TENM2: variants seen among roughly 807,000 people sequenced by gnomAD.
TENM2 encodes teneurin transmembrane protein 2.
TENM2 carries 52 observed loss-of-function variants against 245.2 expected under a neutral mutation model. The ratio of observed to expected loss-of-function variants is 0.21; its 90% confidence interval spans 0.17 to 0.27. The LOEUF is 0.27. Among genes scored for constraint, TENM2 ranks in the 10% least tolerant of loss-of-function variants. TENM2 has a pLI of 1.00. For synonymous variants in TENM2, 1,363 were observed against 1,438.9 expected (o/e 0.95, Z 1.19); for missense variants, 3,046 against 3,666.8 (o/e 0.83, Z 4.37).
At chr5:166,989,907 G>A in the TENM2 span, among the ~76,000 whole-genome samples, 3 of 150,664 alleles carry the variant, frequency 2.0e-5, no homozygotes. Context: ...AAATATGTTG[G>A]TCATGTAGAA....
At chr5:166,996,200 G>A in the TENM2 span, among the ~76,000 whole-genome samples, 1 of 151,854 alleles carries the variant, frequency 6.6e-6, no homozygotes, top group Admixed American at 6.6e-5. Flanking sequence ...AAAATTAGCC[G>A]GGCGTGGTGG....
the TENM2 span, among the ~76,000 whole-genome samples, chr5:167,113,137 G>A: frequency 6.6e-5 from 10 of 152,224 alleles, no homozygotes; most frequent in Non-Finnish European, 1.3e-4. Flanking sequence ...GTCACTGCCC[G>A]GGAGTTGTTA....
intron 17 of TENM2, among the ~76,000 whole-genome samples, chr5:168,202,372 T>G (rs1762009612): frequency 6.6e-6 from 1 of 151,992 alleles, no homozygotes; most frequent in Admixed American, 6.6e-5. Flanking sequence ...CTGAAATGCA[T>G]CCAGTATGTT....
rs527885683 is a variant in TENM2 at position 168,244,960 on chromosome 5, G to A, written c.5817+244G>A. Reference sequence around the variant, plus strand: ...AATTTTGTATTTTTAGTAGAGATGGGTTTCCCCACATTGGCCAGGCTGGTC... The same window carrying A: ...AATTTTGTATTTTTAGTAGAGATGGATTTCCCCACATTGGCCAGGCTGGTC... On this transcript the variant is annotated intron_variant, in intron 26 of 28. Coordinates refer to ENST00000518659, the Ensembl canonical transcript of TENM2. The surrounding 1 kb of genome is among the most constrained non-coding windows in gnomAD (Gnocchi z 4.9). 5.9e-5 allele frequency among the ~76,000 whole-genome samples: 9 copies of A among 152,142 alleles called. No homozygotes were observed. The highest frequency in any genetic ancestry group is 2.2e-4 in the African/African-American group (9 of 41,500).
At chr5:167,693,178 T>C (rs1757540710) in intron 2 of TENM2, among the ~76,000 whole-genome samples, 1 of 152,110 alleles carries the variant, frequency 6.6e-6, no homozygotes, top group African/African-American at 2.4e-5. Context: ...AATGCAAATA[T>C]CATAACCTCT....
chr5:167,128,469 T>G, the TENM2 span, among the ~76,000 whole-genome samples: 1 of 151,912 alleles, frequency 6.6e-6, no homozygotes, highest in East Asian at 1.9e-4. Flanking sequence ...GAAGTTTACA[T>G]TTTCAACAAG....
chr5:168,037,172 T>C (rs1216854398), intron 5 of TENM2, among the ~76,000 whole-genome samples: 1 of 152,222 alleles, frequency 6.6e-6, no homozygotes, highest in Non-Finnish European at 1.5e-5. Context: ...ACAGGACTTT[T>C]TTTTATTTCT....
chr5:167,172,158 A>G, the TENM2 span, among the ~76,000 whole-genome samples: 1 of 152,310 alleles, frequency 6.6e-6, no homozygotes, highest in East Asian at 1.9e-4. Flanking sequence ...CACAACCGTC[A>G]GAACAGTAAC....
intron 2 of TENM2, among the ~76,000 whole-genome samples, chr5:167,766,388 G>T (rs556768959): frequency 6.9e-4 from 105 of 152,268 alleles, no homozygotes; most frequent in South Asian, 1.2e-3. Context: ...ATCACACAGG[G>T]CATTGTAGCC....
intron 2 of TENM2, among the ~76,000 whole-genome samples, chr5:167,827,628 C>CA (rs71593149): frequency 2.9e-5 from 1 of 34,226 alleles, no homozygotes; most frequent in African/African-American, 1.1e-4. Flanking sequence ...GCTAGGTGGG[C>CA]GGGGGGGGGG....
chr5:167,610,637 A>G (rs956886537), intron 2 of TENM2, among the ~76,000 whole-genome samples: 4 of 152,232 alleles, frequency 2.6e-5, no homozygotes, highest in Admixed American at 1.3e-4. Context: ...TCCAAGTACT[A>G]TAATAAGCTA....
intron 4 of TENM2, among the ~76,000 whole-genome samples, chr5:167,960,854 C>T (rs2151884358): frequency 6.6e-6 from 1 of 152,336 alleles, no homozygotes; most frequent in South Asian, 2.1e-4. Flanking sequence ...ATCTCCTGGT[C>T]TGTGGGTTGT....
the TENM2 span, among the ~76,000 whole-genome samples, chr5:167,186,674 A>G: frequency 6.6e-6 from 1 of 152,212 alleles, no homozygotes; most frequent in African/African-American, 2.4e-5. Context: ...TGTGGAGCAC[A>G]GCAATGTGTC....
intron 2 of TENM2, among the ~76,000 whole-genome samples, chr5:167,783,089 C>G (rs895491448): frequency 6.6e-6 from 1 of 151,750 alleles, no homozygotes; most frequent in African/African-American, 2.4e-5. Context: ...TTTTAAAGCA[C>G]AGTGCATCTG....
Position 167,350,572 on chromosome 5 carries a change from G to GATATATATATGGGATATATATATATGGAT in TENM2, c.227-24609_227-24581dup, listed in dbSNP as rs1561883251. On this transcript the variant is annotated intron_variant, in intron 1 of 28. Coordinates refer to ENST00000518659, the Ensembl canonical transcript of TENM2. ...TATCCATATATATGGGATATATATA[G>GATATATATATGGGATATATATATATGGAT]ATATATATATGGGATATATATATAT... Among the ~76,000 whole-genome samples, 210 of 129,852 alleles carry GATATATATATGGGATATATATATATGGAT rather than the reference G, an allele frequency of 1.6e-3. 1 individual carries two copies. Among genetic ancestry groups the GATATATATATGGGATATATATATATGGAT allele is most frequent in the African/African-American group, 5.0e-3 (186 of 37,542 alleles). 85.2% of individuals were successfully genotyped at this position (129,852 alleles called of 152,430 possible).
the TENM2 span, among the ~76,000 whole-genome samples, chr5:167,273,355 G>A: frequency 6.6e-6 from 1 of 152,074 alleles, no homozygotes; most frequent in East Asian, 1.9e-4. Context: ...GGAGGCTTGG[G>A]GAAAAGATTT....
At chr5:167,217,542 A>C in the TENM2 span, among the ~76,000 whole-genome samples, 28 of 152,016 alleles carry the variant, frequency 1.8e-4, no homozygotes, top group Non-Finnish European at 4.1e-4. Context: ...TTCAAATGTC[A>C]GAGCTGCATA....
intron 2 of TENM2, among the ~76,000 whole-genome samples, chr5:167,766,383 A>C (rs1388816767): frequency 1.3e-5 from 2 of 152,212 alleles, no homozygotes; most frequent in South Asian, 2.1e-4. Context: ...AACAGATCAC[A>C]CAGGGCATTG....
At chr5:167,966,913 T>C (rs553536370) in intron 4 of TENM2, 2 of 152,246 alleles carry the variant, frequency 1.3e-5, no homozygotes, top group East Asian at 3.9e-4. Flanking sequence ...CCCTCTAAAT[T>C]CTCATCACAG....
Sources: allele counts gnomAD v4.1 joint callset (sites outside exome capture counted in the v4.1 genomes callset), GRCh38; gene constraint gnomAD v4.1.1; non-coding constraint Gnocchi (gnomAD v3.1); transcripts MANE v1.5; gene names NCBI Gene and HGNC (gene_info 2026-07-23, HGNC 2026-07-21).